HERC5: variants seen among roughly 807,000 people sequenced by gnomAD.
The protein encoded by HERC5 is E3 ISG15--protein ligase HERC5.
Under a neutral mutation model 119.6 loss-of-function variants are expected in HERC5, and 99 were observed. The ratio of observed to expected loss-of-function variants is 0.83; its 90% CI spans 0.70 to 0.98. The LOEUF (loss-of-function observed/expected upper bound fraction) is 0.98, where lower values mean the gene tolerates loss of function less well. HERC5 is among the 50% of genes least tolerant of loss of function. The pLI is 0.00. For missense variants in HERC5, 1,267 were observed against 1,241.3 expected (o/e 1.02, Z -0.31); for synonymous variants, 478 against 445.9 (o/e 1.07, Z -0.91).
At chr4:88,484,324 T>C (rs922039641) in intron 13 of HERC5, among the ~76,000 whole-genome samples, 2 of 152,202 alleles carry the variant, frequency 1.3e-5, no homozygotes, top group Non-Finnish European at 1.5e-5. Flanking sequence ...TTTATGCTCA[T>C]GTATGTTGTG....
intron 8 of HERC5, 48 bp from the exon 9 acceptor site, chr4:88,469,109 C>G (rs536791170): frequency 7.5e-7 from 1 of 1,339,558 alleles, no homozygotes; most frequent in Non-Finnish European, 1.1e-6. Context: ...GGGTGCCTAT[C>G]TCTGATGTGT....
chr4:88,464,717 T>C (rs1233119589), intron 6 of HERC5, among the ~76,000 whole-genome samples: 1 of 152,026 alleles, frequency 6.6e-6, no homozygotes, highest in Non-Finnish European at 1.5e-5. Context: ...GCCTCTGGAA[T>C]AGCTAGGATT....
chr4:88,488,682 GT>G (rs1294027000), intron 15 of HERC5, among the ~76,000 whole-genome samples: 1 of 148,570 alleles, frequency 6.7e-6, no homozygotes, highest in Non-Finnish European at 1.5e-5. Flanking sequence ...TCTTGTCTTG[GT>G]TTTTTTTTTC....
At chr4:88,489,751 G>A (rs543213970) in intron 16 of HERC5, among the ~76,000 whole-genome samples, 21 of 152,274 alleles carry the variant, frequency 1.4e-4, no homozygotes, top group African/African-American at 4.8e-4. Context: ...ACTCACACCT[G>A]TAATCCCGGC....
intron 6 of HERC5, 43 bp from the exon 7 acceptor site, chr4:88,467,013 CATT>C (rs762547084): frequency 6.3e-7 from 1 of 1,592,572 alleles, no homozygotes; most frequent in East Asian, 2.2e-5. Context: ...ACACTCTCAT[CATT>C]GTGGATAATT....
At chr4:88,501,506 G>A (rs1428305534) in intron 20 of HERC5, among the ~76,000 whole-genome samples, 1 of 152,164 alleles carries the variant, frequency 6.6e-6, no homozygotes, top group Non-Finnish European at 1.5e-5. Context: ...TTAAAGCCAT[G>A]GAGTTTGGAA....
intron 8 of HERC5, 112 bp downstream of exon 8, chr4:88,468,534 T>TGG: frequency 1.5e-6 from 1 of 653,352 alleles, no homozygotes; most frequent in Non-Finnish European, 2.6e-6. Flanking sequence ...GCTGACTTTT[T>TGG]GGGGGATAGC....
At chr4:88,477,409 G>A (rs1423763191) in intron 12 of HERC5, among the ~76,000 whole-genome samples, 1 of 71,176 alleles carries the variant, frequency 1.4e-5, no homozygotes, top group South Asian at 9.6e-4. Flanking sequence ...AAGGGGAGGG[G>A]AAGGGGAAGG....
chr4:88,487,679 T>C (rs963333108), intron 15 of HERC5, among the ~76,000 whole-genome samples: 19 of 152,328 alleles, frequency 1.2e-4, no homozygotes, highest in African/African-American at 4.6e-4. Flanking sequence ...CCCTTTTCCA[T>C]GTACGGTACT....
intron 20 of HERC5, among the ~76,000 whole-genome samples, chr4:88,502,428 A>G (rs1408369514): frequency 1.3e-5 from 2 of 152,196 alleles, no homozygotes; most frequent in Non-Finnish European, 2.9e-5. Flanking sequence ...AGAGAGAGGC[A>G]GGTGGCTTTA....
intron 18 of HERC5, among the ~76,000 whole-genome samples, chr4:88,494,762 C>T (rs989535836): frequency 1.3e-5 from 2 of 152,220 alleles, no homozygotes; most frequent in African/African-American, 4.8e-5. Flanking sequence ...AGCATTCCTA[C>T]ACATCCGTAA....
chr4:88,504,172 C>T (rs1275883596), intron 20 of HERC5, 60 bp from the exon 21 acceptor site: 13 of 1,072,794 alleles, frequency 1.2e-5, no homozygotes, highest in Admixed American at 8.4e-5. Context: ...TATTTTTAGC[C>T]CCTCACCATT....
Position 88,460,136 on chromosome 4 carries a change from C to A in HERC5, c.431C>A (p.Thr144Lys). 3 of 1,588,440 alleles carry A rather than the reference C, an allele frequency of 1.9e-6. No homozygotes were observed. The highest frequency in any genetic ancestry group is 2.3e-5 in the East Asian group (1 of 44,390). ...CAAGAAAAAAAAATAATTCAGATCA[C>A]ATGTGGAGATTACCATTCTCTTGCA... Reference protein sequence around the residue: ...ILQEKKIIQITCGDYHSLALS... With the variant: ...ILQEKKIIQIKCGDYHSLALS... The change falls in exon 3 of 23, where the codon ACA becomes AAA. Residue 144 changes from threonine to lysine, a missense_variant. Coordinates refer to ENST00000264350, the MANE Select transcript of HERC5 (RefSeq NM_016323.4).
At chr4:88,465,087 G>C (rs960165344) in intron 6 of HERC5, among the ~76,000 whole-genome samples, 1 of 152,102 alleles carries the variant, frequency 6.6e-6, no homozygotes, top group Non-Finnish European at 1.5e-5. Flanking sequence ...GCTAATTTTT[G>C]TATTTTTAGT....
At chr4:88,467,302 T>C in intron 7 of HERC5, 98 bp downstream of exon 7, 2 of 1,229,620 alleles carry the variant, frequency 1.6e-6, no homozygotes, top group Non-Finnish European at 1.1e-6. Flanking sequence ...CATATGACTA[T>C]GAAGGGAGTT....
At position 88,505,857 on chromosome 4, in the gene HERC5, C is replaced by G; in HGVS notation, c.3054C>G (p.Asn1018Lys). The change falls in exon 23 of 23, where the codon AAC becomes AAG. Residue 1018 changes from asparagine to lysine, a missense_variant. Physicochemically the swap from Asn to Lys is moderately conservative, Grantham distance 94. Around this residue, in one of 3 missense-constraint regions of HERC5, gnomAD observed 473 missense variants for 445.7 expected, o/e 1.06. Transcript: ENST00000264350. ...AAGAAGCGCTTCAAGAAGCCATCAA[C>G]AACAACAGAGGATTTGGCTGACCAG... ...TVEEALQEAINNNRGFG is the reference protein window; with the variant it reads ...TVEEALQEAIKNNRGFG The G allele has an allele frequency of 5.6e-6, 9 of 1,611,720 alleles. No individual in the cohort carries two copies. The highest frequency in any genetic ancestry group is 3.4e-6 in the Non-Finnish European group (4 of 1,178,980).
At chr4:88,498,723 A>C (rs547122916) in intron 18 of HERC5, among the ~76,000 whole-genome samples, 1 of 152,202 alleles carries the variant, frequency 6.6e-6, no homozygotes, top group African/African-American at 2.4e-5. Flanking sequence ...GGCACATGCC[A>C]CCATGCCTGG....
chr4:88,466,809 G>A (rs1560600193), intron 6 of HERC5, among the ~76,000 whole-genome samples: 1 of 152,204 alleles, frequency 6.6e-6, no homozygotes, highest in Non-Finnish European at 1.5e-5. Flanking sequence ...AGAGGGCAAG[G>A]GGAGGTGCTT....
At chr4:88,487,615 A>G (rs1741511044) in intron 15 of HERC5, among the ~76,000 whole-genome samples, 3 of 152,212 alleles carry the variant, frequency 2.0e-5, no homozygotes, top group South Asian at 4.1e-4. Context: ...TAGGAGCCCA[A>G]TAAATGGCTA....
Sources: allele counts gnomAD v4.1 joint callset (sites outside exome capture counted in the v4.1 genomes callset), GRCh38; gene constraint gnomAD v4.1.1; regional missense constraint gnomAD v4.1.1; transcripts MANE v1.5; gene names NCBI Gene and HGNC (gene_info 2026-07-23, HGNC 2026-07-21).